Variants in SLC8A3 observed in about 807,000 individuals in gnomAD.
SLC8A3 encodes the protein solute carrier family 8 member A3, also known as sodium/calcium exchanger 3.
SLC8A3 carries 37 observed loss-of-function variants against 65.4 expected under a neutral mutation model. The ratio of observed to expected loss-of-function variants is 0.57; its 90% confidence interval spans 0.44 to 0.74. SLC8A3 has a LOEUF of 0.74. SLC8A3 is among the 30% of genes least tolerant of loss of function. The pLI is 0.00. For synonymous variants in SLC8A3, 461 were observed against 444.5 expected (o/e 1.04, Z -0.47); for missense variants, 1,112 against 1,172.1 (o/e 0.95, Z 0.75).
chr14:70,117,736 AC>A (rs998490468), intron 2 of SLC8A3, among the ~76,000 whole-genome samples: 9 of 152,114 alleles, frequency 5.9e-5, no homozygotes, highest in Non-Finnish European at 2.9e-5. Context: ...ATACAGATCA[AC>A]CAATCCAAAA....
intron 2 of SLC8A3, among the ~76,000 whole-genome samples, chr14:70,099,947 T>C (rs1402598606): frequency 2.0e-5 from 3 of 152,166 alleles, no homozygotes; most frequent in South Asian, 2.1e-4. Context: ...CTAAAACCAA[T>C]GTTATCATGT....
chr14:70,129,929 G>T (rs1397295486), intron 2 of SLC8A3, among the ~76,000 whole-genome samples: 1 of 152,238 alleles, frequency 6.6e-6, no homozygotes, highest in Non-Finnish European at 1.5e-5. Context: ...GTATGTGTTG[G>T]AGGAGAGGGT....
rs79156721 is a variant in SLC8A3, at chr14:70,103,993, T to C, written c.1785-43054A>G. On this transcript the variant is annotated intron_variant, in intron 2 of 6. Coordinates refer to ENST00000356921, the MANE Select transcript of SLC8A3 (RefSeq NM_182932.3). Reference sequence around the variant, plus strand: ...AAAGGATGAAGTGGCTACATTCATATCAGTTAAAAAGACTTCAAGATAAAG... The same window carrying C: ...AAAGGATGAAGTGGCTACATTCATACCAGTTAAAAAGACTTCAAGATAAAG... Among the ~76,000 whole-genome samples the C allele has an allele frequency of 1.4e-3, 211 of 152,172 alleles. 2 individuals carry two copies. Among genetic ancestry groups the C allele is most frequent in the African/African-American group, 4.8e-3 (200 of 41,574 alleles).
intron 5 of SLC8A3, among the ~76,000 whole-genome samples, chr14:70,050,426 C>A (rs1177081950): frequency 1.3e-5 from 2 of 152,116 alleles, no homozygotes; most frequent in East Asian, 1.9e-4. Context: ...GGTTGGGAGA[C>A]CTTTTCCGTC....
At chr14:70,174,651 G>GT (rs1286502376) in intron 1 of SLC8A3, among the ~76,000 whole-genome samples, 1,186 of 90,358 alleles carry the variant, frequency 0.013, 45 homozygotes, top group African/African-American at 0.052. Context: ...GACCAAATCC[G>GT]TTTTTTTTTT....
chr14:70,143,298 C>A (rs1344374576), intron 2 of SLC8A3, among the ~76,000 whole-genome samples: 1 of 152,166 alleles, frequency 6.6e-6, no homozygotes, highest in Non-Finnish European at 1.5e-5. Flanking sequence ...ACTATCATTG[C>A]CCACATTTTA....
intron 2 of SLC8A3, among the ~76,000 whole-genome samples, chr14:70,150,591 T>C (rs61978175): frequency 0.11 from 16,230 of 152,224 alleles, 1,168 homozygotes; most frequent in Non-Finnish European, 0.16. Context: ...CCATCACCGC[T>C]GCTCTCCTCT....
At chr14:70,178,448 A>T (rs2094544) in intron 1 of SLC8A3, among the ~76,000 whole-genome samples, 99,986 of 152,046 alleles carry the variant, frequency 0.66, 33,521 homozygotes, top group South Asian at 0.72. Context: ...CACTGCCTAA[A>T]GGTTATGGAG....
intron 2 of SLC8A3, among the ~76,000 whole-genome samples, chr14:70,114,688 T>C (rs1893542236): frequency 6.6e-6 from 1 of 152,174 alleles, no homozygotes. Context: ...ACTCTGCAAT[T>C]ATATAACCCT....
At chr14:70,083,004 A>G (rs530902973) in intron 2 of SLC8A3, among the ~76,000 whole-genome samples, 1 of 152,298 alleles carries the variant, frequency 6.6e-6, no homozygotes, top group South Asian at 2.1e-4. Flanking sequence ...AGGGGCAGGA[A>G]GGAGACGTGA....
At chr14:70,064,835 G>A (rs1889234917) in intron 2 of SLC8A3, among the ~76,000 whole-genome samples, 6 of 152,160 alleles carry the variant, frequency 3.9e-5, no homozygotes, top group Admixed American at 3.9e-4. Context: ...ACCCTGTTCT[G>A]CATTTCTTCT....
At chr14:70,102,368 T>C (rs1339839395) in intron 2 of SLC8A3, among the ~76,000 whole-genome samples, 1 of 152,152 alleles carries the variant, frequency 6.6e-6, no homozygotes, top group Non-Finnish European at 1.5e-5. Context: ...AGAACAAAAC[T>C]CAATACCCTT....
At chr14:70,164,306 G>T (rs960407701) in intron 2 of SLC8A3, among the ~76,000 whole-genome samples, 4 of 152,134 alleles carry the variant, frequency 2.6e-5, no homozygotes, top group Admixed American at 6.5e-5. Context: ...ACTGCCTCTA[G>T]TTGTAAAATT....
chr14:70,106,994 AG>A (rs1317357803), intron 2 of SLC8A3, among the ~76,000 whole-genome samples: 1 of 152,176 alleles, frequency 6.6e-6, no homozygotes, highest in Admixed American at 6.5e-5. Flanking sequence ...GAAGTGCAAA[AG>A]CACCAGTCTG....
chr14:70,174,395 G>A (rs1390223256), intron 1 of SLC8A3, among the ~76,000 whole-genome samples: 1 of 152,200 alleles, frequency 6.6e-6, no homozygotes, highest in Non-Finnish European at 1.5e-5. Context: ...ATAAAATGCA[G>A]GTTGGGTTAG....
At chr14:70,158,726 C>T (rs1896720360) in intron 2 of SLC8A3, among the ~76,000 whole-genome samples, 1 of 152,124 alleles carries the variant, frequency 6.6e-6, no homozygotes, top group Admixed American at 6.5e-5. Context: ...ATACACATAT[C>T]CAGTTTTCAG....
At chr14:70,071,883 CA>C (rs1437315563) in intron 2 of SLC8A3, among the ~76,000 whole-genome samples, 1 of 152,174 alleles carries the variant, frequency 6.6e-6, no homozygotes, top group African/African-American at 2.4e-5. Context: ...ATTTTGTGAA[CA>C]AAAAGAGTGT....
In SLC8A3 at chr14:70,048,977, G is replaced by A. The variant is rs1416868187; in HGVS notation, c.2179C>T (p.His727Tyr). The change falls in exon 6 of 7, where the codon CAC (histidine) becomes TAC (tyrosine). Residue 727 changes from histidine (H) to tyrosine (Y), a missense_variant. His to Tyr is a moderately conservative substitution (Grantham distance 83). Coordinates refer to ENST00000356921, the MANE Select transcript of SLC8A3 (RefSeq NM_182932.3). ...ACCTTCCAGAAGACAGTCAGGAAGT[G>A]CATGACGTAGTCAAAGCAGGAGGGC... Reference protein sequence around the residue: ...RLPSCFDYVMHFLTVFWKVLF... With the variant: ...RLPSCFDYVMYFLTVFWKVLF... 2 of 1,614,126 alleles carry A rather than the reference G, an allele frequency of 1.2e-6. No individual in the cohort carries two copies. The highest frequency in any genetic ancestry group is 1.3e-5 in the African/African-American group (1 of 75,074).
At chr14:70,077,745 A>G (rs1186908150) in intron 2 of SLC8A3, among the ~76,000 whole-genome samples, 1 of 152,194 alleles carries the variant, frequency 6.6e-6, no homozygotes, top group Non-Finnish European at 1.5e-5. Flanking sequence ...TCCCAGTACC[A>G]ATTTCTCAAG....
Sources: allele counts gnomAD v4.1 joint callset (sites outside exome capture counted in the v4.1 genomes callset), GRCh38; gene constraint gnomAD v4.1.1; transcripts MANE v1.5; gene names NCBI Gene and HGNC (gene_info 2026-07-23, HGNC 2026-07-21).